Variants in PARD3B observed in about 807,000 individuals in gnomAD.
The protein encoded by PARD3B is partitioning defective 3 homolog B.
In PARD3B, 103 loss-of-function variants were observed where a neutral mutation model predicts 130.2. The observed-to-expected ratio is 0.79, with a 90% CI of 0.67 to 0.93. PARD3B has a LOEUF of 0.93. Among genes scored for constraint, PARD3B ranks in the 40% least tolerant of loss-of-function variants. The pLI, the probability that PARD3B is intolerant of heterozygous loss-of-function variation, is 0.00. For synonymous variants in PARD3B, 583 were observed against 553.2 expected (o/e 1.05, Z -0.76); for missense variants, 1,609 against 1,499.2 (o/e 1.07, Z -1.21).
intron 1 of PARD3B, among the ~76,000 whole-genome samples, chr2:204,600,597 A>G (rs1344301929): frequency 3.3e-5 from 5 of 151,664 alleles, no homozygotes; most frequent in African/African-American, 1.2e-4. Flanking sequence ...TGGTACTGTG[A>G]TGCCTGCAGC....
chr2:204,666,402 A>G (rs1048045227), intron 1 of PARD3B, among the ~76,000 whole-genome samples: 14 of 152,076 alleles, frequency 9.2e-5, no homozygotes, highest in African/African-American at 3.4e-4. Flanking sequence ...AGCAAAGGAG[A>G]AGGGCTTTTT....
chr2:205,548,272 AATACTACATCTCTAGTCCAGACTTCTCT>A (rs1305004682), intron 21 of PARD3B, among the ~76,000 whole-genome samples: 1 of 152,078 alleles, frequency 6.6e-6, no homozygotes, highest in East Asian at 1.9e-4. Context: ...AACGTTTCCC[AATACTACATCTCTAGTCCAGACTTCTCT>A]AAGTTGCAAA....
At chr2:205,334,469 T>C (rs1190844842) in intron 18 of PARD3B, among the ~76,000 whole-genome samples, 2 of 152,178 alleles carry the variant, frequency 1.3e-5, no homozygotes, top group Non-Finnish European at 2.9e-5. Context: ...AACAAATGCA[T>C]GCTATGAAAA....
intron 22 of PARD3B, among the ~76,000 whole-genome samples, chr2:205,594,833 T>C (rs890614383): frequency 6.6e-6 from 1 of 152,202 alleles, no homozygotes; most frequent in African/African-American, 2.4e-5. Flanking sequence ...TTAGGGTCCA[T>C]ACCACTCAGC....
chr2:205,545,700 A>AT (rs1162852072), intron 21 of PARD3B, among the ~76,000 whole-genome samples: 1 of 150,882 alleles, frequency 6.6e-6, no homozygotes, highest in Non-Finnish European at 1.5e-5. Context: ...TTGGCAAAAA[A>AT]TGTGTCCTAA....
chr2:204,638,598 C>T (rs2034968745), intron 1 of PARD3B, among the ~76,000 whole-genome samples: 1 of 151,912 alleles, frequency 6.6e-6, no homozygotes, highest in Admixed American at 6.6e-5. Flanking sequence ...TTATAGAGTA[C>T]TAATAAAAAG....
At chr2:205,439,428 C>T (rs749593723) in intron 19 of PARD3B, among the ~76,000 whole-genome samples, 1 of 152,194 alleles carries the variant, frequency 6.6e-6, no homozygotes, top group Non-Finnish European at 1.5e-5. Flanking sequence ...GACCTCCTCA[C>T]ACCATCAAGA....
At chr2:204,714,129 C>T (rs2038606241) in intron 2 of PARD3B, among the ~76,000 whole-genome samples, 1 of 152,142 alleles carries the variant, frequency 6.6e-6, no homozygotes, top group Non-Finnish European at 1.5e-5. Flanking sequence ...TTAATCTTAG[C>T]TTTCCTTCTC....
intron 3 of PARD3B, among the ~76,000 whole-genome samples, chr2:205,047,068 A>G (rs1473880207): frequency 6.6e-6 from 1 of 152,170 alleles, no homozygotes. Context: ...AATGGAAGCA[A>G]TCTCTTTGTG....
chr2:204,739,879 C>G (rs1295507820), intron 2 of PARD3B, among the ~76,000 whole-genome samples: 3 of 151,606 alleles, frequency 2.0e-5, no homozygotes, highest in Non-Finnish European at 1.5e-5. Flanking sequence ...TAAAGCTTCT[C>G]AGCTTTATTT....
chr2:205,037,218 AAT>A (rs1698023825), intron 3 of PARD3B, among the ~76,000 whole-genome samples: 1 of 147,600 alleles, frequency 6.8e-6, no homozygotes. Flanking sequence ...TATATATAAA[AAT>A]ATGTATATAG....
intron 22 of PARD3B, among the ~76,000 whole-genome samples, chr2:205,588,821 C>A (rs1242619598): frequency 2.0e-5 from 3 of 152,236 alleles, no homozygotes; most frequent in Non-Finnish European, 2.9e-5. Context: ...CTTAGGAAAT[C>A]TTCCATTGCT....
chr2:204,661,818 G>C (rs1212595829), intron 1 of PARD3B, among the ~76,000 whole-genome samples: 1 of 152,078 alleles, frequency 6.6e-6, no homozygotes, highest in Non-Finnish European at 1.5e-5. Context: ...GATTTCTTTA[G>C]TGTCTGATTT....
intron 2 of PARD3B, among the ~76,000 whole-genome samples, chr2:204,716,937 C>T (rs1410061482): frequency 6.6e-6 from 1 of 152,088 alleles, no homozygotes; most frequent in Non-Finnish European, 1.5e-5. Context: ...ACTGCTTTTG[C>T]ACTAACCTAA....
At chr2:205,216,143 A>G (rs1052691294) in intron 15 of PARD3B, among the ~76,000 whole-genome samples, 2 of 152,156 alleles carry the variant, frequency 1.3e-5, no homozygotes, top group Non-Finnish European at 2.9e-5. Context: ...TTGTTTAGAA[A>G]CACAGATACT....
At chr2:205,089,109 G>C (rs1426396835) in intron 4 of PARD3B, among the ~76,000 whole-genome samples, 2 of 151,392 alleles carry the variant, frequency 1.3e-5, no homozygotes, top group Non-Finnish European at 2.9e-5. Flanking sequence ...CCTGCAGTGA[G>C]GCCATAACTC....
intron 18 of PARD3B, among the ~76,000 whole-genome samples, chr2:205,313,073 AT>A (rs1399541661): frequency 2.0e-5 from 3 of 152,254 alleles, no homozygotes; most frequent in African/African-American, 7.2e-5. Context: ...ATGTAAAAAA[AT>A]GAGAGAGAGT....
intron 20 of PARD3B, among the ~76,000 whole-genome samples, chr2:205,488,300 C>G (rs1016679578): frequency 7.9e-5 from 12 of 152,072 alleles, no homozygotes; most frequent in Non-Finnish European, 1.8e-4. Context: ...GGGCCAGGCA[C>G]TAGATTCTCA....
At chr2:204,558,306 C>T (rs946125702) in intron 1 of PARD3B, 1 of 152,158 alleles carries the variant, frequency 6.6e-6, no homozygotes, top group Non-Finnish European at 1.5e-5. Context: ...CCCATTGTCT[C>T]AGCTCAAAAT....
Sources: allele counts gnomAD v4.1 joint callset (sites outside exome capture counted in the v4.1 genomes callset), GRCh38; gene constraint gnomAD v4.1.1; transcripts MANE v1.5; gene names NCBI Gene and HGNC (gene_info 2026-07-23, HGNC 2026-07-21).